Variants in RAB3GAP2 observed in about 807,000 individuals in gnomAD.
RAB3GAP2 encodes rab3 GTPase-activating protein non-catalytic subunit.
A neutral mutation model predicts 185.3 loss-of-function variants in RAB3GAP2; 87 were observed. That is an observed-to-expected ratio of 0.47 (90% confidence interval 0.39 to 0.56). The LOEUF (loss-of-function observed/expected upper bound fraction) is 0.56, where lower values mean the gene tolerates loss of function less well. Ranked by LOEUF, RAB3GAP2 falls within the 20% of genes least tolerant of loss-of-function variation. The pLI is 0.00. For synonymous variants in RAB3GAP2, 554 were observed against 576.1 expected (o/e 0.96, Z 0.55); for missense variants, 1,492 against 1,638.2 (o/e 0.91, Z 1.54).
At chr1:220,156,893 T>C (rs531428933) in intron 31 of RAB3GAP2, among the ~76,000 whole-genome samples, 2 of 152,214 alleles carry the variant, frequency 1.3e-5, no homozygotes, top group Admixed American at 1.3e-4. Flanking sequence ...ATGTGGGTAT[T>C]GGTTTGCAGA....
chr1:220,175,735 T>C (rs1658276800), intron 21 of RAB3GAP2, among the ~76,000 whole-genome samples: 1 of 152,202 alleles, frequency 6.6e-6, no homozygotes, highest in Non-Finnish European at 1.5e-5. Context: ...CTACCCACCA[T>C]CACTTGTAAT....
chr1:220,229,026 G>A (rs1199249377), intron 2 of RAB3GAP2, among the ~76,000 whole-genome samples: 3 of 152,118 alleles, frequency 2.0e-5, no homozygotes, highest in African/African-American at 7.2e-5. Context: ...GAGATCCCTC[G>A]ATTTAGGTTA....
At position 220,249,178 on chromosome 1, in the gene RAB3GAP2, G is replaced by A. The variant is rs184854260; in HGVS notation, c.116-16315C>T. Among the ~76,000 whole-genome samples, 479 of 152,274 alleles carry A rather than the reference G, an allele frequency of 3.1e-3. 3 individuals carry two copies. Among genetic ancestry groups the A allele is most frequent in the African/African-American group, 0.011 (438 of 41,560 alleles). On this transcript the variant is annotated intron_variant, in intron 1 of 34. Coordinates refer to ENST00000358951, the MANE Select transcript of RAB3GAP2 (RefSeq NM_012414.4). ...GCTCAGAAGAAGACAGGAAAATGTC[G>A]GAAAGTTTGGAACTTTCTAGAGACT... is the stretch of plus-strand genomic sequence containing the variant.
chr1:220,190,841 C>CAACAAGCTAACTTTA (rs1403544651), intron 14 of RAB3GAP2, among the ~76,000 whole-genome samples: 1 of 152,022 alleles, frequency 6.6e-6, no homozygotes, highest in Non-Finnish European at 1.5e-5. Flanking sequence ...CAAACATTAG[C>CAACAAGCTAACTTTA]AACAAGCTAA....
At chr1:220,177,384 C>T (rs375082479) in intron 21 of RAB3GAP2, among the ~76,000 whole-genome samples, 1 of 152,120 alleles carries the variant, frequency 6.6e-6, no homozygotes, top group Non-Finnish European at 1.5e-5. Context: ...AAGTACATAC[C>T]TAATATATCA....
intron 1 of RAB3GAP2, among the ~76,000 whole-genome samples, chr1:220,269,333 G>A (rs1052542603): frequency 1.3e-5 from 2 of 152,202 alleles, no homozygotes; most frequent in African/African-American, 4.8e-5. Flanking sequence ...TAAGGTCCAA[G>A]AAATGGCAGG....
At chr1:220,164,839 T>C (rs1169613045) in intron 26 of RAB3GAP2, 40 bp from the exon 27 acceptor site, 1 of 1,561,318 alleles carries the variant, frequency 6.4e-7, no homozygotes, top group Non-Finnish European at 8.7e-7. Context: ...GAAAAAGAGG[T>C]ATCATTTAAT....
intron 24 of RAB3GAP2, among the ~76,000 whole-genome samples, chr1:220,168,571 G>T (rs1324891081): frequency 6.6e-6 from 1 of 151,324 alleles, no homozygotes; most frequent in Admixed American, 6.6e-5. Flanking sequence ...CTAAATTTTT[G>T]TATTTAGTAG....
At chr1:220,197,082 G>A (rs540428422) in intron 9 of RAB3GAP2, among the ~76,000 whole-genome samples, 154 of 151,562 alleles carry the variant, frequency 1.0e-3, no homozygotes, top group Non-Finnish European at 1.8e-3. Context: ...TGCCTCCCAG[G>A]TTCAAGCGAT....
chr1:220,152,346 G>C (rs1657773172), intron 33 of RAB3GAP2, among the ~76,000 whole-genome samples: 1 of 152,216 alleles, frequency 6.6e-6, no homozygotes, highest in Non-Finnish European at 1.5e-5. Context: ...CAAAGTGCTA[G>C]GATTACAGGC....
intron 26 of RAB3GAP2, among the ~76,000 whole-genome samples, chr1:220,165,002 C>A (rs1658038583): frequency 6.6e-6 from 1 of 151,788 alleles, no homozygotes; most frequent in Non-Finnish European, 1.5e-5. Flanking sequence ...ATAATTAATT[C>A]CCAGAAGCTC....
intron 9 of RAB3GAP2, among the ~76,000 whole-genome samples, chr1:220,199,838 T>C (rs146784655): frequency 6.6e-5 from 10 of 152,258 alleles, no homozygotes; most frequent in Admixed American, 1.3e-4. Flanking sequence ...CAAATCTGTC[T>C]ACTTCCTTCC....
At chr1:220,227,100 A>T (rs1659416137) in intron 2 of RAB3GAP2, among the ~76,000 whole-genome samples, 1 of 152,202 alleles carries the variant, frequency 6.6e-6, no homozygotes, top group Non-Finnish European at 1.5e-5. Context: ...TGTTTAAGTC[A>T]CCTAGCGTGT....
intron 17 of RAB3GAP2, among the ~76,000 whole-genome samples, chr1:220,187,733 T>C (rs1194405679): frequency 6.6e-6 from 1 of 152,074 alleles, no homozygotes; most frequent in African/African-American, 2.4e-5. Context: ...CCTTCCCATA[T>C]GATTTACTCT....
At chr1:220,253,963 C>A (rs1659986328) in intron 1 of RAB3GAP2, 1 of 1,613,574 alleles carries the variant, frequency 6.2e-7, no homozygotes, top group South Asian at 1.1e-5. Context: ...GACCCCTCAG[C>A]CTCCTTGGAA....
intron 14 of RAB3GAP2, among the ~76,000 whole-genome samples, 200 bp downstream of exon 14, chr1:220,190,868 T>C (rs1038719105): frequency 2.6e-5 from 4 of 152,064 alleles, no homozygotes; most frequent in Admixed American, 6.5e-5. Context: ...TTCAGCAGTC[T>C]ATCATGGCAT....
chr1:220,252,680 G>T (rs79223330), intron 1 of RAB3GAP2, among the ~76,000 whole-genome samples: 3,799 of 151,604 alleles, frequency 0.025, 70 homozygotes, highest in Non-Finnish European at 0.039. Context: ...TTCTCCCATG[G>T]ATCTTTGCAT....
chr1:220,204,537 T>C (rs1658923820), intron 8 of RAB3GAP2, among the ~76,000 whole-genome samples: 1 of 152,188 alleles, frequency 6.6e-6, no homozygotes, highest in Non-Finnish European at 1.5e-5. Flanking sequence ...AAGGCTCCTC[T>C]ACTCAATCCC....
At chr1:220,183,192 A>G (rs1658444811) in intron 19 of RAB3GAP2, among the ~76,000 whole-genome samples, 1 of 152,170 alleles carries the variant, frequency 6.6e-6, no homozygotes, top group Non-Finnish European at 1.5e-5. Flanking sequence ...AAATGGTATT[A>G]AAAGTACCAT....
Sources: allele counts gnomAD v4.1 joint callset (sites outside exome capture counted in the v4.1 genomes callset), GRCh38; gene constraint gnomAD v4.1.1; transcripts MANE v1.5; gene names NCBI Gene and HGNC (gene_info 2026-07-23, HGNC 2026-07-21).